Variants in GNA14 observed in about 807,000 individuals in gnomAD.
The protein encoded by GNA14 is guanine nucleotide-binding protein subunit alpha-14.
Under a neutral mutation model 42.0 loss-of-function variants are expected in GNA14, and 50 were observed. That is an observed-to-expected ratio of 1.19 (90% CI 0.95 to 1.51). GNA14 has a LOEUF of 1.51. GNA14 is among the 40% of genes most tolerant of loss of function. GNA14 has a pLI of 0.00. For synonymous variants in GNA14, 173 were observed against 163.1 expected, an observed-to-expected ratio of 1.06 and a Z score of -0.46; for missense variants, 473 against 446.2, an observed-to-expected ratio of 1.06 and a Z score of -0.54.
chr9:77,493,619 T>C (rs1362032333), intron 2 of GNA14, among the ~76,000 whole-genome samples: 1 of 152,248 alleles, frequency 6.6e-6, no homozygotes, highest in Non-Finnish European at 1.5e-5. Context: ...TATCAAATTA[T>C]GTTGAATAAT....
At chr9:77,647,601 A>C in intron 1 of GNA14, 69 bp downstream of exon 1, 1 of 1,524,074 alleles carries the variant, frequency 6.6e-7, no homozygotes, top group Admixed American at 2.0e-5. Context: ...CGCGGGTGCC[A>C]GTGGAGAGGC....
intron 2 of GNA14, among the ~76,000 whole-genome samples, chr9:77,527,023 G>A (rs1038970139): frequency 1.8e-4 from 28 of 152,202 alleles, no homozygotes; most frequent in African/African-American, 6.5e-4. Context: ...AACGTAAGCA[G>A]AAGTGGCTTA....
intron 2 of GNA14, among the ~76,000 whole-genome samples, chr9:77,464,351 A>ATATG (rs1836177937): frequency 6.9e-6 from 1 of 144,706 alleles, no homozygotes; most frequent in Non-Finnish European, 1.5e-5. Context: ...GTGTGTGTAT[A>ATATG]TGTGTGTGTG....
intron 2 of GNA14, among the ~76,000 whole-genome samples, chr9:77,474,795 T>C (rs879290039): frequency 1.6e-4 from 24 of 152,270 alleles, no homozygotes; most frequent in South Asian, 8.3e-4. Flanking sequence ...TTGGATCACA[T>C]TGAAATATGA....
At chr9:77,601,140 G>A (rs1394138570) in intron 1 of GNA14, among the ~76,000 whole-genome samples, 1 of 152,208 alleles carries the variant, frequency 6.6e-6, no homozygotes, top group African/African-American at 2.4e-5. Flanking sequence ...GGAGCCCTTG[G>A]CAGGAACCCC....
intron 2 of GNA14, among the ~76,000 whole-genome samples, chr9:77,489,550 G>A (rs936214215): frequency 6.6e-6 from 1 of 152,216 alleles, no homozygotes; most frequent in African/African-American, 2.4e-5. Context: ...CAAGAATGAA[G>A]CCGCGGACCC....
chr9:77,425,322 T>C (rs1450561145), intron 6 of GNA14, among the ~76,000 whole-genome samples: 1 of 151,934 alleles, frequency 6.6e-6, no homozygotes, highest in Admixed American at 6.6e-5. Flanking sequence ...GAGAACAACA[T>C]GGAGGCAGCG....
intron 1 of GNA14, among the ~76,000 whole-genome samples, chr9:77,587,620 G>C (rs984093517): frequency 6.6e-6 from 1 of 152,208 alleles, no homozygotes; most frequent in Admixed American, 6.5e-5. Context: ...GTGGTTATCT[G>C]GGGGAGGTGG....
intron 2 of GNA14, among the ~76,000 whole-genome samples, chr9:77,515,976 A>AAAAAAAAAAAC (rs1564038891): frequency 2.0e-5 from 3 of 148,988 alleles, no homozygotes; most frequent in Non-Finnish European, 3.0e-5. Flanking sequence ...AAAAAAAAAA[A>AAAAAAAAAAAC]AAAAAAACCC....
At chr9:77,506,546 A>G (rs1174600064) in intron 2 of GNA14, among the ~76,000 whole-genome samples, 3 of 151,592 alleles carry the variant, frequency 2.0e-5, no homozygotes, top group African/African-American at 4.8e-5. Flanking sequence ...GCTTGGTGGC[A>G]CATGTCTGTA....
At chr9:77,484,791 A>G (rs1379603113) in intron 2 of GNA14, among the ~76,000 whole-genome samples, 1 of 152,130 alleles carries the variant, frequency 6.6e-6, no homozygotes, top group African/African-American at 2.4e-5. Flanking sequence ...GAGTCACACA[A>G]ATTTTGGTTT....
chr9:77,641,407 C>T (rs1346961274), intron 1 of GNA14, among the ~76,000 whole-genome samples: 1 of 151,620 alleles, frequency 6.6e-6, no homozygotes, highest in Non-Finnish European at 1.5e-5. Flanking sequence ...ACCAGGCCAT[C>T]AGAGTTATCA....
chr9:77,424,055 T>G lies in GNA14; in HGVS notation c.992A>C (p.Asp331Ala). 1 of 1,611,800 alleles carries G rather than the reference T, an allele frequency of 6.2e-7. No individual in the cohort carries two copies. Among genetic ancestry groups the G allele is most frequent in the Middle Eastern group, 1.7e-4 (1 of 6,058 alleles). ...AGCAGCAAACACAAAGCGAATATTG[T>G]CTGTATCTGTAGCACATGTGAAGTG... is the stretch of plus-strand genomic sequence containing the variant. Reference protein sequence around the residue: ...YSHFTCATDTDNIRFVFAAVK... With the variant: ...YSHFTCATDTANIRFVFAAVK... The change falls in exon 7 of 7, where the codon GAC (aspartate) becomes GCC (alanine). Residue 331 changes from aspartate to alanine, a missense_variant. Transcript: ENST00000341700.
chr9:77,478,961 C>T (rs1277811358), intron 2 of GNA14, among the ~76,000 whole-genome samples: 1 of 151,898 alleles, frequency 6.6e-6, no homozygotes, highest in Non-Finnish European at 1.5e-5. Flanking sequence ...AGAAAATTTT[C>T]TCCCATTCTG....
chr9:77,482,247 G>A (rs1253654998), intron 2 of GNA14, among the ~76,000 whole-genome samples: 1 of 151,792 alleles, frequency 6.6e-6, no homozygotes, highest in African/African-American at 2.4e-5. Flanking sequence ...CAGGCCTGGT[G>A]GTGACAAAAT....
At chr9:77,476,313 C>T (rs1468910401) in intron 2 of GNA14, among the ~76,000 whole-genome samples, 1 of 152,156 alleles carries the variant, frequency 6.6e-6, no homozygotes, top group African/African-American at 2.4e-5. Flanking sequence ...GTACTGAAAA[C>T]CCAGCATCGC....
At chr9:77,638,234 G>C (rs1383183656) in intron 1 of GNA14, among the ~76,000 whole-genome samples, 2 of 152,186 alleles carry the variant, frequency 1.3e-5, no homozygotes, top group Admixed American at 1.3e-4. Flanking sequence ...CCAGGATACA[G>C]GAACAAGATA....
intron 2 of GNA14, among the ~76,000 whole-genome samples, chr9:77,501,267 T>G (rs943465002): frequency 6.6e-6 from 1 of 152,144 alleles, no homozygotes; most frequent in Non-Finnish European, 1.5e-5. Flanking sequence ...ACTCTTAATA[T>G]AAGAAACTGC....
chr9:77,587,548 C>T (rs893568099), intron 1 of GNA14, among the ~76,000 whole-genome samples: 15 of 149,882 alleles, frequency 1.0e-4, no homozygotes, highest in African/African-American at 3.3e-4. Context: ...AGCCAGAAGA[C>T]GCAAAAGTCA....
Sources: allele counts gnomAD v4.1 joint callset (sites outside exome capture counted in the v4.1 genomes callset), GRCh38; gene constraint gnomAD v4.1.1; transcripts MANE v1.5; gene names NCBI Gene and HGNC (gene_info 2026-07-23, HGNC 2026-07-21).